The following CNTNAP5 variants were observed in gnomAD, a reference collection of about 807,000 sequenced individuals.
CNTNAP5 encodes contactin-associated protein-like 5.
A neutral mutation model predicts 150.2 loss-of-function variants in CNTNAP5; 72 were observed. The ratio of observed to expected loss-of-function variants is 0.48; its 90% CI spans 0.40 to 0.58. The LOEUF (loss-of-function observed/expected upper bound fraction) is 0.58, where lower values mean the gene tolerates loss of function less well. Ranked by LOEUF, CNTNAP5 falls within the 20% of genes least tolerant of loss-of-function variation. CNTNAP5 has a pLI of 0.00. For synonymous variants in CNTNAP5, 672 were observed against 619.8 expected, an observed-to-expected ratio of 1.08 and a Z score of -1.25; for missense variants, 1,636 against 1,626.2, an observed-to-expected ratio of 1.01 and a Z score of -0.10.
Position 124,529,206 on chromosome 2 carries a change from G to A in CNTNAP5, c.1649+1750G>A, listed in dbSNP as rs113020604. On this transcript the variant is annotated intron_variant, in intron 10 of 23. Coordinates refer to ENST00000682447, the MANE Select transcript of CNTNAP5 (RefSeq NM_001367498.1). ...GCTAGACCAATAGTCTTTAGTAATG[G>A]CGAGGGAGAAGCATCCTACTTCATC... Among the ~76,000 whole-genome samples, 1,182 of 152,152 alleles carry A rather than the reference G, an allele frequency of 7.8e-3. 21 individuals carry two copies. The highest frequency in any genetic ancestry group is 0.027 in the African/African-American group (1,113 of 41,486).
chr2:124,086,869 C>T (rs1235251222), intron 1 of CNTNAP5, among the ~76,000 whole-genome samples: 1 of 151,266 alleles, frequency 6.6e-6, no homozygotes, highest in African/African-American at 2.4e-5. Context: ...TGCTGTTTGT[C>T]TCTTCTCTGC....
chr2:124,510,301 C>CTATATATATATATCTATA (rs368230554), intron 8 of CNTNAP5, among the ~76,000 whole-genome samples: 2 of 106,056 alleles, frequency 1.9e-5, no homozygotes, highest in Non-Finnish European at 3.6e-5. Context: ...ATCTATATAT[C>CTATATATATATATCTATA]TATATATATA....
intron 3 of CNTNAP5, among the ~76,000 whole-genome samples, chr2:124,378,091 G>C (rs1690698075): frequency 6.6e-6 from 1 of 151,984 alleles, no homozygotes; most frequent in Non-Finnish European, 1.5e-5. Context: ...TGTTAATAGG[G>C]ACTGATGCTT....
At chr2:124,335,849 A>G (rs1475123849) in intron 3 of CNTNAP5, among the ~76,000 whole-genome samples, 1 of 151,944 alleles carries the variant, frequency 6.6e-6, no homozygotes, top group Non-Finnish European at 1.5e-5. Context: ...GCAGGGGTGA[A>G]AAACAAAACA....
At chr2:124,667,378 G>A (rs1678722687) in intron 13 of CNTNAP5, among the ~76,000 whole-genome samples, 1 of 152,206 alleles carries the variant, frequency 6.6e-6, no homozygotes, top group Non-Finnish European at 1.5e-5. Context: ...CTATCTTCCT[G>A]ATATTACTCA....
At chr2:124,441,856 C>CATATATAT (rs144122316) in intron 5 of CNTNAP5, among the ~76,000 whole-genome samples, 1 of 145,422 alleles carries the variant, frequency 6.9e-6, no homozygotes, top group African/African-American at 2.5e-5. Flanking sequence ...TATCTTTGGG[C>CATATATAT]ATATATATAT....
At chr2:124,745,214 T>A (rs1436009887) in intron 13 of CNTNAP5, among the ~76,000 whole-genome samples, 1 of 152,204 alleles carries the variant, frequency 6.6e-6, no homozygotes, top group Non-Finnish European at 1.5e-5. Flanking sequence ...TCAGAGCTTA[T>A]ACCATTAGTA....
At chr2:124,113,392 T>C (rs967267709) in intron 1 of CNTNAP5, among the ~76,000 whole-genome samples, 2 of 152,108 alleles carry the variant, frequency 1.3e-5, no homozygotes, top group Non-Finnish European at 2.9e-5. Flanking sequence ...TAAATAGAAG[T>C]ACTCTATACC....
intron 13 of CNTNAP5, among the ~76,000 whole-genome samples, chr2:124,663,614 A>G (rs1348831033): frequency 6.6e-6 from 1 of 152,148 alleles, no homozygotes; most frequent in African/African-American, 2.4e-5. Context: ...AAAGAGAGAG[A>G]GGAAAGGAGG....
chr2:124,750,241 A>G (rs967828104), intron 14 of CNTNAP5, among the ~76,000 whole-genome samples: 4 of 152,220 alleles, frequency 2.6e-5, no homozygotes, highest in African/African-American at 4.8e-5. Context: ...TCAGCCTATC[A>G]AAGGTCAAGA....
intron 13 of CNTNAP5, among the ~76,000 whole-genome samples, chr2:124,691,243 A>G (rs1431964723): frequency 1.3e-5 from 2 of 152,116 alleles, no homozygotes; most frequent in African/African-American, 2.4e-5. Context: ...TTCTGGGTGT[A>G]GGGGTTTTAT....
chr2:124,719,899 G>A (rs781163896), intron 13 of CNTNAP5, among the ~76,000 whole-genome samples: 1 of 152,082 alleles, frequency 6.6e-6, no homozygotes, highest in Non-Finnish European at 1.5e-5. Flanking sequence ...TGAAGCAAGG[G>A]CTCAGTGGTC....
intron 4 of CNTNAP5, among the ~76,000 whole-genome samples, chr2:124,427,349 C>A (rs1028686502): frequency 5.9e-5 from 9 of 152,140 alleles, no homozygotes; most frequent in African/African-American, 2.2e-4. Flanking sequence ...TTCTAAAAAC[C>A]CAAACCAATC....
chr2:124,235,937 C>T (rs113963979), intron 2 of CNTNAP5, among the ~76,000 whole-genome samples: 69 of 132,280 alleles, frequency 5.2e-4, no homozygotes, highest in African/African-American at 2.0e-3. Context: ...TGGCAAGTTC[C>T]CACTTATTTA....
At chr2:124,266,116 G>A (rs1215039984) in intron 3 of CNTNAP5, among the ~76,000 whole-genome samples, 2 of 151,982 alleles carry the variant, frequency 1.3e-5, no homozygotes, top group African/African-American at 4.8e-5. Flanking sequence ...AAATTATTGG[G>A]CCCATAAGAC....
chr2:124,048,447 G>T (rs1681602007), intron 1 of CNTNAP5, among the ~76,000 whole-genome samples: 1 of 152,018 alleles, frequency 6.6e-6, no homozygotes. Flanking sequence ...GAGTTTTATT[G>T]GTTTCTCCCA....
intron 18 of CNTNAP5, among the ~76,000 whole-genome samples, chr2:124,795,374 C>T (rs954639955): frequency 6.8e-4 from 104 of 152,276 alleles, no homozygotes; most frequent in Middle Eastern, 3.4e-3. Flanking sequence ...CCTGTCAATA[C>T]GGAGATCCTC....
At chr2:124,885,305 G>C (rs1175060704) in intron 21 of CNTNAP5, among the ~76,000 whole-genome samples, 3 of 151,952 alleles carry the variant, frequency 2.0e-5, no homozygotes, top group African/African-American at 4.8e-5. Flanking sequence ...ACTGATTGTG[G>C]ATGTCATTCA....
chr2:124,364,752 G>A (rs1690321226), intron 3 of CNTNAP5, among the ~76,000 whole-genome samples: 1 of 152,170 alleles, frequency 6.6e-6, no homozygotes, highest in Admixed American at 6.5e-5. Context: ...GACATTAACT[G>A]CATTAAGTAT....
Sources: gnomAD v4.1 joint callset for allele counts (sites outside exome capture counted in the v4.1 genomes callset) on GRCh38, gnomAD v4.1.1 for gene constraint, MANE v1.5 for transcripts, NCBI Gene and HGNC (gene_info 2026-07-23, HGNC 2026-07-21) for gene names.